Variants in HECW2 observed in about 807,000 individuals in gnomAD.
HECW2 encodes E3 ubiquitin-protein ligase HECW2.
A neutral mutation model predicts 175.2 loss-of-function variants in HECW2; 61 were observed. The ratio of observed to expected loss-of-function variants is 0.35; its 90% CI spans 0.28 to 0.43. HECW2 has a LOEUF of 0.43. Among genes scored for constraint, HECW2 ranks in the 20% least tolerant of loss-of-function variants. HECW2 has a pLI of 1.00. For missense variants in HECW2, 1,524 were observed against 2,000.5 expected, an observed-to-expected ratio of 0.76 and a Z score of 4.54; for synonymous variants, 671 against 731.0, an observed-to-expected ratio of 0.92 and a Z score of 1.32.
intron 2 of HECW2, among the ~76,000 whole-genome samples, chr2:196,422,692 A>G (rs1051529696): frequency 5.9e-5 from 9 of 152,126 alleles, no homozygotes; most frequent in African/African-American, 2.2e-4. Flanking sequence ...TTTAGAGTTA[A>G]GTTGTTCCAA....
chr2:196,456,192 A>G (rs11885357), intron 1 of HECW2, among the ~76,000 whole-genome samples: 14,039 of 152,224 alleles, frequency 0.092, 724 homozygotes, highest in Middle Eastern at 0.15. Flanking sequence ...AACAGAAGAA[A>G]GGACACTATA....
At chr2:196,213,353 C>A (rs1275152113) in intron 28 of HECW2, among the ~76,000 whole-genome samples, 1 of 152,150 alleles carries the variant, frequency 6.6e-6, no homozygotes, top group Non-Finnish European at 1.5e-5. Context: ...TTACAATTGT[C>A]AAAAATACTC....
chr2:196,576,727 T>A (rs1378916790), intron 1 of HECW2, among the ~76,000 whole-genome samples: 1 of 152,182 alleles, frequency 6.6e-6, no homozygotes, highest in African/African-American at 2.4e-5. Flanking sequence ...AAAAAAAAGA[T>A]AACCATGTGA....
chr2:196,428,536 T>C (rs1240099075), intron 2 of HECW2, among the ~76,000 whole-genome samples: 2 of 152,202 alleles, frequency 1.3e-5, no homozygotes, highest in Non-Finnish European at 2.9e-5. Flanking sequence ...CATTTAATAG[T>C]ATCCAAAAAA....
At chr2:196,519,030 C>A (rs896894164) in intron 1 of HECW2, among the ~76,000 whole-genome samples, 3 of 152,180 alleles carry the variant, frequency 2.0e-5, no homozygotes, top group African/African-American at 7.2e-5. Flanking sequence ...GGAATTGTTT[C>A]AACTATTTCC....
intron 1 of HECW2, among the ~76,000 whole-genome samples, chr2:196,507,420 G>A (rs1559148898): frequency 1.3e-5 from 2 of 152,182 alleles, no homozygotes; most frequent in Non-Finnish European, 2.9e-5. Context: ...TTGTGCCCAG[G>A]GGAAATTTAG....
chr2:196,393,501 A>G (rs978410565), intron 2 of HECW2, among the ~76,000 whole-genome samples: 2 of 152,238 alleles, frequency 1.3e-5, no homozygotes, highest in African/African-American at 4.8e-5. Context: ...AAGGATATGA[A>G]TAGACAATTC....
chr2:196,202,979 A>G (rs1686920803), intron 28 of HECW2, among the ~76,000 whole-genome samples: 1 of 152,162 alleles, frequency 6.6e-6, no homozygotes, highest in African/African-American at 2.4e-5. Context: ...TATTTACATA[A>G]TTTGGTTCAT....
intron 1 of HECW2, among the ~76,000 whole-genome samples, chr2:196,582,442 C>G (rs1690823569): frequency 6.6e-6 from 1 of 152,204 alleles, no homozygotes; most frequent in Non-Finnish European, 1.5e-5. Context: ...CTTGCCCTTG[C>G]CTCAACACCT....
chr2:196,443,106 G>A (rs958685105), intron 1 of HECW2, among the ~76,000 whole-genome samples: 2 of 152,258 alleles, frequency 1.3e-5, no homozygotes, highest in East Asian at 1.9e-4. Flanking sequence ...TGTTGCTCAG[G>A]ACTGACTGGT....
intron 28 of HECW2, among the ~76,000 whole-genome samples, 163 bp from the exon 29 acceptor site, chr2:196,201,551 T>A (rs1686860576): frequency 6.6e-6 from 1 of 152,132 alleles, no homozygotes; most frequent in Non-Finnish European, 1.5e-5. Flanking sequence ...TTTGAAAACA[T>A]TTTGACCTTA....
At chr2:196,480,330 G>A (rs915136229) in intron 1 of HECW2, among the ~76,000 whole-genome samples, 6 of 152,008 alleles carry the variant, frequency 3.9e-5, no homozygotes, top group African/African-American at 1.2e-4. Flanking sequence ...TCATTTATCC[G>A]CTGTAGTGAA....
Position 196,287,157 on chromosome 2 carries a change from G to A in HECW2, c.3000+5408C>T, listed in dbSNP as rs530637956. Among the ~76,000 whole-genome samples the A allele has an allele frequency of 2.6e-5, 4 of 152,274 alleles. No homozygotes were observed. The South Asian group carries it at 8.3e-4, about 32-fold the overall frequency. On this transcript the variant is annotated intron_variant, in intron 14 of 28. Coordinates refer to ENST00000644978, the MANE Select transcript of HECW2 (RefSeq NM_001348768.2). Reference sequence around the variant, plus strand: ...GCTATTTGCTGTGGTTCTCAAAGATGAGTATTTGGACCATTCTGATACTTA... The same window carrying A: ...GCTATTTGCTGTGGTTCTCAAAGATAAGTATTTGGACCATTCTGATACTTA...
At chr2:196,212,826 T>C (rs1411573829) in intron 28 of HECW2, among the ~76,000 whole-genome samples, 2 of 152,228 alleles carry the variant, frequency 1.3e-5, no homozygotes, top group Non-Finnish European at 2.9e-5. Flanking sequence ...TGTATAAGCA[T>C]TCCCTTTTCT....
chr2:196,303,214 A>G (rs1691134333), intron 13 of HECW2, among the ~76,000 whole-genome samples: 2 of 152,324 alleles, frequency 1.3e-5, no homozygotes, highest in East Asian at 3.9e-4. Context: ...GATGAATCAC[A>G]TGTATTGATT....
chr2:196,265,644 T>A (rs563022655), intron 17 of HECW2, among the ~76,000 whole-genome samples: 39 of 141,332 alleles, frequency 2.8e-4, no homozygotes, highest in Non-Finnish European at 4.2e-4. Flanking sequence ...AACTGAGTCC[T>A]TCTGATAGAA....
At chr2:196,376,731 C>T (rs1265821708) in intron 2 of HECW2, among the ~76,000 whole-genome samples, 1 of 150,268 alleles carries the variant, frequency 6.7e-6, no homozygotes, top group Admixed American at 6.6e-5. Context: ...GTCAGGAGTT[C>T]GAGACCAGCC....
chr2:196,266,768 T>C (rs1689533720), intron 17 of HECW2, among the ~76,000 whole-genome samples: 2 of 152,310 alleles, frequency 1.3e-5, no homozygotes, highest in Admixed American at 1.3e-4. Context: ...TTAACTAAAA[T>C]TCTGTATTGT....
chr2:196,367,101 A>T (rs995636319), intron 2 of HECW2, among the ~76,000 whole-genome samples: 14 of 152,248 alleles, frequency 9.2e-5, no homozygotes, highest in African/African-American at 3.4e-4. Flanking sequence ...GAAAGAACAC[A>T]TTCAGAGACT....
Sources: allele counts gnomAD v4.1 joint callset (sites outside exome capture counted in the v4.1 genomes callset), GRCh38; gene constraint gnomAD v4.1.1; transcripts MANE v1.5; gene names NCBI Gene and HGNC (gene_info 2026-07-23, HGNC 2026-07-21).